Variants in RAP1GAP2 observed in about 807,000 individuals in gnomAD.
The protein encoded by RAP1GAP2 is RAP1 GTPase activating protein 2.
In RAP1GAP2, 27 loss-of-function variants were observed where a neutral mutation model predicts 95.0. The observed-to-expected ratio is 0.28, with a 90% CI of 0.21 to 0.39. RAP1GAP2 has a LOEUF of 0.39. Among genes scored for constraint, RAP1GAP2 ranks in the 10% least tolerant of loss-of-function variants. RAP1GAP2 has a pLI of 1.00. For synonymous variants in RAP1GAP2, 373 were observed against 380.9 expected, an observed-to-expected ratio of 0.98 and a Z score of 0.24; for missense variants, 771 against 970.0, an observed-to-expected ratio of 0.79 and a Z score of 2.72.
rs1365932395 is a variant in RAP1GAP2 at position 2,936,824 on chromosome 17, C to T, written c.166-20935C>T. ...GAGAGCCATTGCCCACTCCTCTGTG[C>T]GCCCAGGCAGCTGTGGGCTTTACCC... is the stretch of plus-strand genomic sequence containing the variant. On this transcript the variant is annotated intron_variant, in intron 3 of 24. Transcript: ENST00000254695. Among the ~76,000 whole-genome samples the T allele has an allele frequency of 3.3e-5, 5 of 152,200 alleles. 1 individual carries two copies.
At chr17:2,888,340 C>T (rs757913731) in intron 2 of RAP1GAP2, among the ~76,000 whole-genome samples, 1 of 152,102 alleles carries the variant, frequency 6.6e-6, no homozygotes, top group South Asian at 2.1e-4. Context: ...TATGGTCACC[C>T]TACAAGGCTA....
At chr17:2,950,969 A>G (rs184817091) in intron 3 of RAP1GAP2, among the ~76,000 whole-genome samples, 1 of 152,332 alleles carries the variant, frequency 6.6e-6, no homozygotes, top group African/African-American at 2.4e-5. Context: ...AACATGCCTC[A>G]TGCAACACAG....
intron 2 of RAP1GAP2, among the ~76,000 whole-genome samples, chr17:2,810,903 C>T (rs1476304886): frequency 6.6e-6 from 1 of 152,100 alleles, no homozygotes; most frequent in Non-Finnish European, 1.5e-5. Flanking sequence ...GCTTGGTTAC[C>T]TGTGGGGACA....
At chr17:2,886,855 G>T (rs1365331585) in intron 2 of RAP1GAP2, among the ~76,000 whole-genome samples, 1 of 152,094 alleles carries the variant, frequency 6.6e-6, no homozygotes, top group East Asian at 1.9e-4. Context: ...TTGCCCCTCC[G>T]GGTCCCTCAG....
rs896493262 is a variant in RAP1GAP2, at chr17:2,827,739, A to G, written c.80+27189A>G. Among the ~76,000 whole-genome samples the G allele has an allele frequency of 1.3e-5, 2 of 151,814 alleles. No homozygotes were observed. Among genetic ancestry groups the G allele is most frequent in the African/African-American group, 2.4e-5 (1 of 41,270 alleles). On this transcript the variant is annotated intron_variant, in intron 2 of 24. Transcript: ENST00000254695. This position sits in a 1 kb window ranked among gnomAD's most constrained non-coding sequence, Gnocchi z 4.1. ...CCGGCACCAGCCAGTTTGAGCTCTGACTGGGAACTGGGATCTCATTCATCC... is the reference window on the plus strand; with the variant it reads ...CCGGCACCAGCCAGTTTGAGCTCTGGCTGGGAACTGGGATCTCATTCATCC...
chr17:2,995,404 G>A lies in RAP1GAP2; in HGVS notation c.982G>A (p.Asp328Asn). ...GGAATCAGTGTACACAACATTCCGG[G>A]ACAGGGAGATCATGTTTCACGTTTC... is the stretch of plus-strand genomic sequence containing the variant. ...GVESVYTTFR[D>N]REIMFHVSTK... The change falls in exon 13 of 25, where the codon GAC becomes AAC. Residue 328 changes from aspartate (D) to asparagine (N), a missense_variant. Coordinates refer to ENST00000254695, the MANE Select transcript of RAP1GAP2 (RefSeq NM_015085.5). 2 of 1,613,998 alleles carry A rather than the reference G, an allele frequency of 1.2e-6. No homozygotes were observed. The highest frequency in any genetic ancestry group is 1.7e-6 in the Non-Finnish European group (2 of 1,179,876).
chr17:2,920,885 A>G (rs2042741615), intron 3 of RAP1GAP2, among the ~76,000 whole-genome samples: 1 of 151,790 alleles, frequency 6.6e-6, no homozygotes, highest in South Asian at 2.1e-4. Flanking sequence ...CCCATCCGCT[A>G]CCCTCTTCCA....
At chr17:2,967,904 G>A (rs2044687520) in intron 8 of RAP1GAP2, among the ~76,000 whole-genome samples, 1 of 152,158 alleles carries the variant, frequency 6.6e-6, no homozygotes, top group Admixed American at 6.5e-5. Flanking sequence ...CTAACAGCCT[G>A]TGTGTGCCAT....
chr17:2,885,309 G>A (rs1444351297), intron 2 of RAP1GAP2, among the ~76,000 whole-genome samples: 2 of 152,172 alleles, frequency 1.3e-5, no homozygotes, highest in Non-Finnish European at 2.9e-5. Context: ...TGGGATTACA[G>A]GCGTGAGCCA....
At chr17:2,932,843 A>AG (rs61080499) in intron 3 of RAP1GAP2, among the ~76,000 whole-genome samples, 226 of 8,012 alleles carry the variant, frequency 0.028, 2 homozygotes, top group African/African-American at 0.092. Flanking sequence ...AAAAAAAAAA[A>AG]GAGCAGGGAC....
Position 3,018,070 on chromosome 17 carries a change from C to T in RAP1GAP2, c.1504C>T (p.Arg502Cys), listed in dbSNP as rs1394960926. ...GFLESFKRAI[R>C]VRSHSMETMV... ...TGTTCTCTCCCCGTAGAGGGCCATC[C>T]GCGTACGCAGCCACTCCATGGAGAC... Residue 502 changes from arginine (R) to cysteine (C), a missense_variant, in exon 18 of 25, where the codon CGC (arginine) becomes TGC (cysteine). Coordinates refer to ENST00000254695, the MANE Select transcript of RAP1GAP2 (RefSeq NM_015085.5). 8 of 1,586,408 alleles carry T rather than the reference C, an allele frequency of 5.0e-6. No homozygotes were observed. The highest frequency in any genetic ancestry group is 2.3e-5 in the South Asian group (2 of 86,738).
At chr17:3,013,833 C>G (rs2046657765) in intron 17 of RAP1GAP2, among the ~76,000 whole-genome samples, 1 of 151,928 alleles carries the variant, frequency 6.6e-6, no homozygotes, top group African/African-American at 2.4e-5. Context: ...CAATAATTTA[C>G]CCTTCAGAAC....
chr17:2,840,879 T>C (rs2071346914), intron 2 of RAP1GAP2, among the ~76,000 whole-genome samples: 1 of 152,148 alleles, frequency 6.6e-6, no homozygotes, highest in Admixed American at 6.5e-5. Context: ...GGGCCTGTAG[T>C]CCCAGTTACT....
rs2072777934 is a variant in RAP1GAP2 at position 2,870,035 on chromosome 17, AG to A, written c.81-35245del. Among the ~76,000 whole-genome samples the A allele has an allele frequency of 6.6e-6, 1 of 151,572 alleles. No homozygotes were observed. ...TGCGTTGACCTGCAGAGCAGGCCTC[AG>A]GGGTGGGAATCTGTATGGCCCCTGA... On this transcript the variant is annotated intron_variant, in intron 2 of 24. Coordinates refer to ENST00000254695, the MANE Select transcript of RAP1GAP2 (RefSeq NM_015085.5). The surrounding 1 kb of genome is among the most constrained non-coding windows in gnomAD (Gnocchi z 4.4).
At chr17:2,951,582 G>A (rs2043925404) in intron 3 of RAP1GAP2, among the ~76,000 whole-genome samples, 1 of 151,960 alleles carries the variant, frequency 6.6e-6, no homozygotes, top group South Asian at 2.1e-4. Flanking sequence ...GGCTGGGTGT[G>A]GTGGCAGTGC....
intron 2 of RAP1GAP2, among the ~76,000 whole-genome samples, chr17:2,899,626 T>C (rs1383694226): frequency 6.6e-6 from 1 of 152,180 alleles, no homozygotes; most frequent in Non-Finnish European, 1.5e-5. Context: ...TTCTCCTGCC[T>C]CAGCCTCCTT....
At position 2,906,948 on chromosome 17, in the gene RAP1GAP2, C is replaced by A. The variant is rs1241797717; in HGVS notation, c.165+1580C>A. Among the ~76,000 whole-genome samples the A allele has an allele frequency of 6.6e-6, 1 of 152,088 alleles. No individual in the cohort carries two copies. The highest frequency in any genetic ancestry group is 1.5e-5 in the Non-Finnish European group (1 of 68,024). On this transcript the variant is annotated intron_variant, in intron 3 of 24. Coordinates refer to ENST00000254695, the MANE Select transcript of RAP1GAP2 (RefSeq NM_015085.5). This position sits in a 1 kb window ranked among gnomAD's most constrained non-coding sequence, Gnocchi z 4.3. The stretch of plus-strand genomic sequence containing the variant: ...TTGCCTTTGTAATTGCAAGCATAGA[C>A]GGCAGGCATGACTGCATCCGCAAGA...
chr17:2,770,300 C>G, intron 1 of RAP1GAP2: 1 of 398,554 alleles, frequency 2.5e-6, no homozygotes, highest in African/African-American at 2.1e-5. Flanking sequence ...GCTCAGCCAC[C>G]TCCTCACTCT....
chr17:3,036,795 C>A lies in RAP1GAP2; in HGVS notation c.*3434C>A, dbSNP rs528651949. The A allele has an allele frequency of 6.5e-6, 1 of 152,778 alleles. No individual in the cohort carries two copies. The highest frequency in any genetic ancestry group is 1.9e-4 in the East Asian group (1 of 5,176). 9.5% of individuals were successfully genotyped at this position (152,778 alleles called of 1,614,324 possible). A position where few individuals can be genotyped will look rare whatever the true frequency, so the allele number is the denominator to read the frequency against. On this transcript the variant is annotated 3_prime_UTR_variant, in exon 25 of 25. Coordinates refer to ENST00000254695, the MANE Select transcript of RAP1GAP2 (RefSeq NM_015085.5). ...AAGGTGGTTAATAGAAACTCAGGCT[C>A]CCGTGACAAGGCAGGACAAGAGCCT...
Sources: allele counts gnomAD v4.1 joint callset (sites outside exome capture counted in the v4.1 genomes callset), GRCh38; gene constraint gnomAD v4.1.1; non-coding constraint Gnocchi (gnomAD v3.1); transcripts MANE v1.5; gene names NCBI Gene and HGNC (gene_info 2026-07-23, HGNC 2026-07-21).